The following LCK variants were observed in gnomAD, a reference collection of about 807,000 sequenced individuals.
The protein encoded by LCK is LCK proto-oncogene, Src family tyrosine kinase.
LCK carries 14 observed loss-of-function variants against 64.6 expected under a neutral mutation model. The observed-to-expected ratio is 0.22, with a 90% CI of 0.14 to 0.34. The LOEUF (loss-of-function observed/expected upper bound fraction) is 0.34, where lower values mean the gene tolerates loss of function less well. Ranked by LOEUF, LCK falls within the 10% of genes least tolerant of loss-of-function variation. LCK has a pLI of 1.00. For missense variants in LCK, 434 were observed against 668.1 expected, an observed-to-expected ratio of 0.65 and a Z score of 3.86; for synonymous variants, 277 against 263.6, an observed-to-expected ratio of 1.05 and a Z score of -0.49.
In LCK at chr1:32,280,183, G is replaced by A; in HGVS notation, c.1300G>A (p.Val434Ile). ...WSFGILLTEI[V>I]THGRIPYPGM... ...TTTTGGGATCCTGCTGACGGAAATT[G>A]TCACCCACGGCCGCATCCCTTACCC... The change falls in exon 12 of 13, where the codon GTC (valine) becomes ATC (isoleucine). Residue 434 changes from valine to isoleucine, a missense_variant. Coordinates refer to ENST00000336890, the MANE Select transcript of LCK (RefSeq NM_005356.5). 6.2e-7 allele frequency: 1 copy of A among 1,614,096 alleles called. No homozygotes were observed. The highest frequency in any genetic ancestry group is 8.5e-7 in the Non-Finnish European group (1 of 1,180,020).
chr1:32,257,670 T>C (rs568572570), intron 1 of LCK, among the ~76,000 whole-genome samples: 35 of 152,216 alleles, frequency 2.3e-4, no homozygotes, highest in African/African-American at 7.9e-4. Flanking sequence ...TATAAAGCAG[T>C]GTGGATTGCC....
Position 32,275,219 on chromosome 1 carries a change from G to C in LCK, c.279-102G>C. On this transcript the variant is annotated intron_variant, in intron 4 of 12. Transcript: ENST00000336890. The surrounding 1 kb of genome is among the most constrained non-coding windows in gnomAD (Gnocchi z 6.9). ...AAAATTCGAGGCTCAGTATTGCTGAGCCAGGGTTGGGGGAGGCTGGCTTAA... is the reference window on the plus strand; with the variant it reads ...AAAATTCGAGGCTCAGTATTGCTGACCCAGGGTTGGGGGAGGCTGGCTTAA... 1 of 1,482,146 alleles carries C rather than the reference G, an allele frequency of 6.7e-7. No homozygotes were observed. The highest frequency in any genetic ancestry group is 9.4e-7 in the Non-Finnish European group (1 of 1,064,462). 91.8% of individuals were successfully genotyped at this position (1,482,146 alleles called of 1,614,324 possible).
Position 32,285,983 on chromosome 1 carries a change from CCA to C in LCK, c.*270_*271del, listed in dbSNP as rs1640604245. 4.1e-6 allele frequency: 2 copies of C among 485,044 alleles called. No homozygotes were observed. The highest frequency in any genetic ancestry group is 5.9e-5 in the South Asian group (2 of 34,084). The allele number at this position is 485,044 out of a possible 1,614,324, so 30.0% of individuals were successfully genotyped here. A position where few individuals can be genotyped will look rare whatever the true frequency, so the allele number is the denominator to read the frequency against. On this transcript the variant is annotated 3_prime_UTR_variant, in exon 13 of 13. Coordinates refer to ENST00000336890, the MANE Select transcript of LCK (RefSeq NM_005356.5). ...TTTCTGGCTCTCCCATTTCCTGAGACCACAGAGAGAGGGGAGAAGCCTGGGAT... is the reference window on the plus strand; with the variant it reads ...TTTCTGGCTCTCCCATTTCCTGAGACCAGAGAGAGGGGAGAAGCCTGGGAT...
rs1640596145 is a variant in LCK, at chr1:32,285,753, C to T, written c.*37C>T. ...AGGCCCTGGGGTTCTCCCCCTTTCT[C>T]TCCAGCCTGACTTGGGGAGATGGAG... is the stretch of plus-strand genomic sequence containing the variant. On this transcript the variant is annotated 3_prime_UTR_variant, in exon 13 of 13. Transcript: ENST00000336890. 6.4e-7 allele frequency: 1 copy of T among 1,552,662 alleles called. No homozygotes were observed. Among genetic ancestry groups the T allele is most frequent in the South Asian group, 1.2e-5 (1 of 85,172 alleles).
Position 32,263,917 on chromosome 1 carries a change from A to G in LCK, c.-5-10408A>G, listed in dbSNP as rs548601349. On this transcript the variant is annotated intron_variant, in intron 1 of 12. Coordinates refer to ENST00000336890, the MANE Select transcript of LCK (RefSeq NM_005356.5). ...GTGCGACAGAGCAAGACCCTGTTTA[A>G]AAAAAAAAAAAGAAGAAGACCGGAA... 1.9e-3 allele frequency among the ~76,000 whole-genome samples: 276 copies of G among 147,290 alleles called. 1 individual carries two copies. Among genetic ancestry groups the G allele is most frequent in the African/African-American group, 6.6e-3 (268 of 40,536 alleles).
intron 12 of LCK, among the ~76,000 whole-genome samples, chr1:32,285,009 T>G (rs1470611193): frequency 6.7e-6 from 1 of 149,560 alleles, no homozygotes; most frequent in Non-Finnish European, 1.5e-5. Context: ...ACATTTTTTT[T>G]AAGTAAATAA....
chr1:32,264,169 C>T (rs1474365949), intron 1 of LCK, among the ~76,000 whole-genome samples: 12 of 152,078 alleles, frequency 7.9e-5, no homozygotes, highest in Admixed American at 5.9e-4. Flanking sequence ...TACCCAGAAA[C>T]GTGCATTCCA....
At chr1:32,258,818 A>C (rs1639693836) in intron 1 of LCK, among the ~76,000 whole-genome samples, 2 of 150,782 alleles carry the variant, frequency 1.3e-5, no homozygotes, top group African/African-American at 2.4e-5. Context: ...AAAAAAAAAA[A>C]AAAAACCCAG....
At chr1:32,265,114 C>A (rs777694356) in intron 1 of LCK, among the ~76,000 whole-genome samples, 2 of 151,096 alleles carry the variant, frequency 1.3e-5, no homozygotes, top group South Asian at 4.2e-4. Context: ...GGCTGAGGCA[C>A]GGAGGTTGCA....
chr1:32,285,773 A>G lies in LCK; in HGVS notation c.*57A>G. On this transcript the variant is annotated 3_prime_UTR_variant, in exon 13 of 13. Transcript: ENST00000336890. ...TTTCTCTCCAGCCTGACTTGGGGAG[A>G]TGGAGTTCTTGTGCCATAGTCACAT... 1 of 1,531,390 alleles carries G rather than the reference A, an allele frequency of 6.5e-7. No individual in the cohort carries two copies. Among genetic ancestry groups the G allele is most frequent in the Non-Finnish European group, 8.8e-7 (1 of 1,130,842 alleles). The allele number at this position is 1,531,390 out of a possible 1,614,324, so 94.9% of individuals were successfully genotyped here. A position where few individuals can be genotyped will look rare whatever the true frequency, so the allele number is the denominator to read the frequency against.
intron 1 of LCK, among the ~76,000 whole-genome samples, chr1:32,252,986 C>T (rs1019552964): frequency 6.6e-6 from 1 of 152,084 alleles, no homozygotes; most frequent in Non-Finnish European, 1.5e-5. Flanking sequence ...AGAGACAGGC[C>T]GACCCAGTCA....
intron 11 of LCK, 36 bp downstream of exon 11, chr1:32,280,030 A>T (rs376187521): frequency 6.2e-7 from 1 of 1,613,948 alleles, no homozygotes; most frequent in African/African-American, 1.3e-5. Context: ...TGGGCCCTGC[A>T]GGGTCTGGCC....
At chr1:32,272,062 T>C (rs1226813141) in intron 1 of LCK, among the ~76,000 whole-genome samples, 1 of 152,014 alleles carries the variant, frequency 6.6e-6, no homozygotes, top group African/African-American at 2.4e-5. Flanking sequence ...GGCAGGAGAA[T>C]TGCTTGAGGC....
chr1:32,251,978 G>A lies in LCK; in HGVS notation c.-6+607G>A, dbSNP rs76426943. 1.0e-3 allele frequency among the ~76,000 whole-genome samples: 152 copies of A among 152,080 alleles called. No individual in the cohort carries two copies. The highest frequency in any genetic ancestry group is 1.7e-3 in the Non-Finnish European group (119 of 68,008). ...GCATCCAGATGGACATGCGAGGAGT[G>A]ATTTTAGCCTCAGCGATCGAGGGAA... On this transcript the variant is annotated intron_variant, in intron 1 of 12. Coordinates refer to ENST00000336890, the MANE Select transcript of LCK (RefSeq NM_005356.5). The surrounding 1 kb of genome is among the most constrained non-coding windows in gnomAD (Gnocchi z 4.0).
At position 32,251,894 on chromosome 1, in the gene LCK, AAG is replaced by A. The variant is rs4012161; in HGVS notation, c.-6+565_-6+566del. On this transcript the variant is annotated intron_variant, in intron 1 of 12. Transcript: ENST00000336890. The surrounding 1 kb of genome is among the most constrained non-coding windows in gnomAD (Gnocchi z 4.0). ...CCCCAGTGACAAGAATCTCCTGAGA[AAG>A]AGAGAGAGAGAGAGAGAGAGAGAGA... 0.5 allele frequency among the ~76,000 whole-genome samples: 65,620 copies of A among 131,886 alleles called. 15,672 individuals are homozygous for A. Among genetic ancestry groups the A allele is most frequent in the Middle Eastern group, 0.61 (165 of 270 alleles). 86.5% of individuals were successfully genotyped at this position (131,886 alleles called of 152,430 possible).
intron 9 of LCK, among the ~76,000 whole-genome samples, chr1:32,278,932 T>C (rs1163215953): frequency 6.6e-6 from 1 of 152,212 alleles, no homozygotes; most frequent in East Asian, 1.9e-4. Flanking sequence ...CCCATCCATG[T>C]CCAGCTGCCC....
In LCK at chr1:32,275,248, G is replaced by A. The variant is rs1640222529; in HGVS notation, c.279-73G>A. On this transcript the variant is annotated intron_variant, in intron 4 of 12. Coordinates refer to ENST00000336890, the MANE Select transcript of LCK (RefSeq NM_005356.5). The surrounding 1 kb of genome is among the most constrained non-coding windows in gnomAD (Gnocchi z 6.9). Reference sequence around the variant, plus strand: ...GGGTTGGGGGAGGCTGGCTTAAGGGGTGGAGGGGTCTTTGAGGGAGGGTCT... The same window carrying A: ...GGGTTGGGGGAGGCTGGCTTAAGGGATGGAGGGGTCTTTGAGGGAGGGTCT... 6.5e-7 allele frequency: 1 copy of A among 1,536,096 alleles called. No individual in the cohort carries two copies. Among genetic ancestry groups the A allele is most frequent in the African/African-American group, 1.4e-5 (1 of 73,494 alleles).
In LCK at chr1:32,285,488, A is replaced by ACC. The variant is rs758335539; in HGVS notation, c.1328-26_1328-25insCC. The ACC allele has an allele frequency of 1.3e-5, 21 of 1,609,074 alleles. No homozygotes were observed. In the African/African-American group the frequency reaches 2.7e-4, roughly 20 times the overall value. ...TGTGGGCTTCCAGTGCCTGACCTTGATGTCCTTTCACCCATCAACCCGTAG... is the reference window on the plus strand; with the variant it reads ...TGTGGGCTTCCAGTGCCTGACCTTGACCTGTCCTTTCACCCATCAACCCGTAG... On this transcript the variant is annotated intron_variant, in intron 12 of 12. Transcript: ENST00000336890.
chr1:32,263,465 G>T (rs1290608048), intron 1 of LCK, among the ~76,000 whole-genome samples: 1 of 151,866 alleles, frequency 6.6e-6, no homozygotes, highest in Non-Finnish European at 1.5e-5. Flanking sequence ...GACTGGGCAT[G>T]GTGGCCCATG....
Sources: gnomAD v4.1 joint callset for allele counts (sites outside exome capture counted in the v4.1 genomes callset) on GRCh38, gnomAD v4.1.1 for gene constraint, Gnocchi (gnomAD v3.1) non-coding constraint, MANE v1.5 for transcripts, NCBI Gene and HGNC (gene_info 2026-07-23, HGNC 2026-07-21) for gene names.